ERC1: variants seen among roughly 807,000 people sequenced by gnomAD.
The protein encoded by ERC1 is RAB6 interacting protein 2.
In ERC1, 56 loss-of-function variants were observed where a neutral mutation model predicts 132.0. That is an observed-to-expected ratio of 0.42 (90% confidence interval 0.34 to 0.53). ERC1 has a LOEUF of 0.53. Ranked by LOEUF, ERC1 falls within the 20% of genes least tolerant of loss-of-function variation. The pLI is 0.03. For missense variants in ERC1, 1,202 were observed against 1,349.9 expected (o/e 0.89, Z 1.72); for synonymous variants, 478 against 476.1 (o/e 1.00, Z -0.05).
chr12:1,178,889 C>A (rs1954046815), intron 8 of ERC1, among the ~76,000 whole-genome samples: 1 of 152,148 alleles, frequency 6.6e-6, no homozygotes, highest in Non-Finnish European at 1.5e-5. Context: ...GGTCTGTTTT[C>A]ATTACTCTGT....
At chr12:1,240,960 T>C (rs2075749782) in intron 13 of ERC1, among the ~76,000 whole-genome samples, 1 of 152,212 alleles carries the variant, frequency 6.6e-6, no homozygotes, top group Admixed American at 6.5e-5. Flanking sequence ...TCAGTAGCTT[T>C]ATACACGTTC....
At chr12:1,119,675 C>T (rs568259273) in intron 7 of ERC1, among the ~76,000 whole-genome samples, 5 of 151,862 alleles carry the variant, frequency 3.3e-5, no homozygotes, top group African/African-American at 7.2e-5. Context: ...CACAGCCTCC[C>T]GAGTAGCTGG....
chr12:1,484,067 A>G (rs929268360), intron 18 of ERC1, among the ~76,000 whole-genome samples: 4 of 132,456 alleles, frequency 3.0e-5, no homozygotes, highest in Non-Finnish European at 6.5e-5. Flanking sequence ...GCACTTTGGG[A>G]GGCTGAGGCG....
intron 8 of ERC1, among the ~76,000 whole-genome samples, chr12:1,179,359 T>A (rs750002949): frequency 1.3e-5 from 2 of 152,210 alleles, no homozygotes; most frequent in African/African-American, 2.4e-5. Context: ...CTTAAAAATC[T>A]CTAAGGGCTT....
intron 13 of ERC1, among the ~76,000 whole-genome samples, chr12:1,251,242 A>G (rs1216824681): frequency 6.6e-6 from 1 of 152,144 alleles, no homozygotes; most frequent in African/African-American, 2.4e-5. Context: ...TACTATTTCT[A>G]GAAATAGTAT....
chr12:1,403,520 C>CA (rs1175352090), intron 16 of ERC1, among the ~76,000 whole-genome samples: 1 of 152,158 alleles, frequency 6.6e-6, no homozygotes, highest in East Asian at 1.9e-4. Flanking sequence ...GACTTCACAC[C>CA]AAGTTTCTTC....
intron 12 of ERC1, among the ~76,000 whole-genome samples, chr12:1,207,191 A>G (rs559095758): frequency 7.9e-5 from 12 of 152,126 alleles, no homozygotes; most frequent in Admixed American, 2.6e-4. Context: ...TTTTTACATT[A>G]TTGTCTGATT....
At chr12:1,001,344 C>T (rs1296672290) in intron 1 of ERC1, among the ~76,000 whole-genome samples, 1 of 152,228 alleles carries the variant, frequency 6.6e-6, no homozygotes, top group African/African-American at 2.4e-5. Flanking sequence ...AGGCATGAGC[C>T]ACTGTGTCCG....
intron 14 of ERC1, among the ~76,000 whole-genome samples, chr12:1,265,106 G>A (rs2077395589): frequency 6.6e-6 from 1 of 152,190 alleles, no homozygotes; most frequent in Non-Finnish European, 1.5e-5. Context: ...CAGTCACATA[G>A]AGCTTGGTTA....
chr12:993,923 G>A (rs577256622), intron 1 of ERC1, among the ~76,000 whole-genome samples: 58 of 151,794 alleles, frequency 3.8e-4, no homozygotes, highest in Non-Finnish European at 7.5e-4. Flanking sequence ...ATAAAAATTG[G>A]CTGGGTGTGG....
intron 15 of ERC1, among the ~76,000 whole-genome samples, chr12:1,366,459 T>G (rs1360165683): frequency 5.3e-5 from 8 of 152,178 alleles, no homozygotes; most frequent in African/African-American, 1.9e-4. Context: ...AGCCAGATTT[T>G]GAAGGAGAGA....
chr12:1,196,977 T>TATA (rs1491567979), intron 12 of ERC1, among the ~76,000 whole-genome samples: 14 of 28,732 alleles, frequency 4.9e-4, no homozygotes, highest in African/African-American at 9.6e-4. Flanking sequence ...TATATATATA[T>TATA]TTTTTTTTTT....
chr12:1,061,091 C>T (rs1937770269), intron 2 of ERC1, among the ~76,000 whole-genome samples: 1 of 152,124 alleles, frequency 6.6e-6, no homozygotes, highest in South Asian at 2.1e-4. Flanking sequence ...TATATCACTG[C>T]TTCTTCCTGG....
At chr12:1,341,063 C>CTCTTTTTTTTTTTTTTTTTT (rs1566629703) in intron 15 of ERC1, among the ~76,000 whole-genome samples, 1 of 45,160 alleles carries the variant, frequency 2.2e-5, no homozygotes, top group Admixed American at 3.2e-4. Flanking sequence ...TTATTCTTTT[C>CTCTTTTTTTTTTTTTTTTTT]TTTTTCTTTT....
intron 17 of ERC1, among the ~76,000 whole-genome samples, chr12:1,424,880 AG>A (rs1471179758): frequency 3.4e-5 from 5 of 147,398 alleles, no homozygotes; most frequent in African/African-American, 1.3e-4. Flanking sequence ...ATAGATAGAT[AG>A]ATAGATAGAT....
intron 13 of ERC1, among the ~76,000 whole-genome samples, chr12:1,253,995 C>T (rs2076631041): frequency 6.6e-6 from 1 of 152,180 alleles, no homozygotes; most frequent in African/African-American, 2.4e-5. Context: ...GCCGTGAACC[C>T]TGTACTCTGT....
chr12:1,488,828 T>C (rs1332730440), intron 18 of ERC1, among the ~76,000 whole-genome samples: 1 of 152,230 alleles, frequency 6.6e-6, no homozygotes, highest in Non-Finnish European at 1.5e-5. Context: ...CCTCCTCCTT[T>C]TAGTCCTGCC....
intron 12 of ERC1, among the ~76,000 whole-genome samples, chr12:1,211,040 TTTGTTA>T (rs1386785175): frequency 1.3e-5 from 2 of 152,072 alleles, no homozygotes; most frequent in Non-Finnish European, 2.9e-5. Flanking sequence ...AATTTCAATG[TTTGTTA>T]TTGTAAGTTT....
intron 12 of ERC1, among the ~76,000 whole-genome samples, chr12:1,223,486 G>A (rs1358807600): frequency 6.6e-6 from 1 of 152,188 alleles, no homozygotes; most frequent in Non-Finnish European, 1.5e-5. Context: ...CTGAGATTGG[G>A]TGTTTCTACC....
Sources: allele counts gnomAD v4.1 joint callset (sites outside exome capture counted in the v4.1 genomes callset), GRCh38; gene constraint gnomAD v4.1.1; transcripts MANE v1.5; gene names NCBI Gene and HGNC (gene_info 2026-07-23, HGNC 2026-07-21).